Variants in RBBP8 observed in about 807,000 individuals in gnomAD.
RBBP8 encodes DNA endonuclease RBBP8.
A neutral mutation model predicts 108.3 loss-of-function variants in RBBP8; 88 were observed. The observed-to-expected ratio is 0.81, with a 90% CI of 0.68 to 0.97. The LOEUF (loss-of-function observed/expected upper bound fraction) is 0.97. Ranked by LOEUF, RBBP8 falls within the 50% of genes least tolerant of loss-of-function variation. The probability of loss-of-function intolerance (pLI) is 0.00; values close to 1 mark genes in which losing one functional copy is unlikely to be tolerated. For synonymous variants in RBBP8, 332 were observed against 348.2 expected, an observed-to-expected ratio of 0.95 and a Z score of 0.52; for missense variants, 1,023 against 1,049.0, an observed-to-expected ratio of 0.98 and a Z score of 0.34.
intron 15 of RBBP8, among the ~76,000 whole-genome samples, chr18:23,003,633 A>G (rs1044431451): frequency 9.8e-5 from 15 of 152,328 alleles, no homozygotes; most frequent in African/African-American, 3.6e-4. Context: ...TTAGGAGTCA[A>G]GTCCCAAGTT....
chr18:22,931,186 A>C (rs921415040), upstream of RBBP8, among the ~76,000 whole-genome samples: 3 of 152,218 alleles, frequency 2.0e-5, no homozygotes, highest in Non-Finnish European at 4.4e-5. Flanking sequence ...GACTATTGAA[A>C]TAAGATAAAA....
Position 22,968,907 on chromosome 18 carries a change from T to C in RBBP8, c.350T>C (p.Ile117Thr), listed in dbSNP as rs769924014. 4 of 1,607,334 alleles carry C rather than the reference T, an allele frequency of 2.5e-6. No individual in the cohort carries two copies. Among genetic ancestry groups the C allele is most frequent in the East Asian group, 2.2e-5 (1 of 44,698 alleles). The change falls in exon 5 of 19, where the codon ATT becomes ACT. Residue 117 changes from isoleucine (I) to threonine (T), a missense_variant. By Grantham distance (89) the Ile-to-Thr change is moderately conservative (BLOSUM62 -1). Coordinates refer to ENST00000327155, the MANE Select transcript of RBBP8 (RefSeq NM_002894.3). ...ENIRQQNLKL[I>T]TELMNERNTL... The stretch of plus-strand genomic sequence containing the variant: ...ATCCGGCAGCAGAATCTTAAACTTA[T>C]TACAGAACTTAGTGAGTTTCCTTTC...
chr18:22,979,373 A>T (rs1164076535), intron 6 of RBBP8, among the ~76,000 whole-genome samples: 1 of 152,094 alleles, frequency 6.6e-6, no homozygotes, highest in East Asian at 1.9e-4. Flanking sequence ...TTAGCTCTAA[A>T]GATTGTTCCT....
At chr18:23,025,726 A>G (rs1244924975) in intron 18 of RBBP8, among the ~76,000 whole-genome samples, 1 of 152,214 alleles carries the variant, frequency 6.6e-6, no homozygotes, top group Non-Finnish European at 1.5e-5. Flanking sequence ...CCCCTTTGCA[A>G]CTACCTATGG....
At chr18:22,983,559 T>C (rs1915098717) in intron 7 of RBBP8, among the ~76,000 whole-genome samples, 1 of 138,378 alleles carries the variant, frequency 7.2e-6, no homozygotes. Context: ...ATAATTTACA[T>C]CAGGTTTAAA....
At chr18:22,964,517 A>G (rs1156977173) in intron 4 of RBBP8, among the ~76,000 whole-genome samples, 1 of 151,384 alleles carries the variant, frequency 6.6e-6, no homozygotes, top group African/African-American at 2.4e-5. Context: ...TAGACCTTCT[A>G]GAATAATTGC....
intron 5 of RBBP8, among the ~76,000 whole-genome samples, chr18:22,969,451 T>C (rs1913901141): frequency 6.6e-6 from 1 of 152,166 alleles, no homozygotes; most frequent in Admixed American, 6.5e-5. Flanking sequence ...TATTTATTTC[T>C]TTTGGTGACC....
intron 2 of RBBP8, among the ~76,000 whole-genome samples, chr18:22,940,280 A>G (rs2144419613): frequency 6.6e-6 from 1 of 151,470 alleles, no homozygotes; most frequent in East Asian, 1.9e-4. Flanking sequence ...TTTGTAGTCC[A>G]TGAACACGGG....
intron 5 of RBBP8, among the ~76,000 whole-genome samples, chr18:22,971,963 AACAG>A (rs1451664177): frequency 1.2e-4 from 18 of 151,832 alleles, no homozygotes; most frequent in Middle Eastern, 3.4e-3. Flanking sequence ...TAATTTCTAA[AACAG>A]ACAGGCTTGA....
intron 14 of RBBP8, among the ~76,000 whole-genome samples, chr18:22,999,621 A>T (rs924999138): frequency 1.3e-5 from 2 of 152,136 alleles, no homozygotes; most frequent in Non-Finnish European, 2.9e-5. Context: ...CGCACATGGA[A>T]TAGGAGACAT....
chr18:22,976,527 T>C (rs1914509129), intron 6 of RBBP8, among the ~76,000 whole-genome samples: 1 of 152,132 alleles, frequency 6.6e-6, no homozygotes, highest in African/African-American at 2.4e-5. Flanking sequence ...TTCATATGTT[T>C]TGCTGTGAAA....
chr18:23,010,860 T>C (rs2046146171), intron 16 of RBBP8, among the ~76,000 whole-genome samples: 1 of 152,190 alleles, frequency 6.6e-6, no homozygotes, highest in African/African-American at 2.4e-5. Flanking sequence ...GTTTAAGTGA[T>C]GCTTTGAGGT....
intron 3 of RBBP8, among the ~76,000 whole-genome samples, chr18:22,927,255 T>C (rs910557528): frequency 6.6e-6 from 1 of 152,224 alleles, no homozygotes; most frequent in Non-Finnish European, 1.5e-5. Flanking sequence ...TTTAGATAAA[T>C]AATCATAAAG....
intron 16 of RBBP8, among the ~76,000 whole-genome samples, chr18:23,007,693 G>A (rs1194742477): frequency 8.0e-5 from 8 of 100,270 alleles, no homozygotes; most frequent in Middle Eastern, 8.9e-3. Flanking sequence ...GCGAGACTCC[G>A]TCTCAGAAAA....
intron 3 of RBBP8, among the ~76,000 whole-genome samples, chr18:22,918,598 C>T (rs919939431): frequency 6.6e-6 from 1 of 152,174 alleles, no homozygotes; most frequent in Non-Finnish European, 1.5e-5. Context: ...CTGTACCTTA[C>T]TTGTGCCTTC....
intron 4 of RBBP8, among the ~76,000 whole-genome samples, chr18:22,954,458 A>G (rs1259128078): frequency 6.6e-6 from 1 of 152,236 alleles, no homozygotes; most frequent in East Asian, 1.9e-4. Flanking sequence ...CTTTGACTCC[A>G]TGTCTCACAT....
intron 4 of RBBP8, among the ~76,000 whole-genome samples, chr18:22,963,655 C>T (rs1032277037): frequency 2.6e-5 from 4 of 152,130 alleles, no homozygotes; most frequent in African/African-American, 7.2e-5. Context: ...TTTCATATAT[C>T]TAGGACTTCT....
intron 16 of RBBP8, among the ~76,000 whole-genome samples, chr18:23,014,451 T>C (rs544400828): frequency 7.2e-5 from 11 of 152,192 alleles, no homozygotes; most frequent in Admixed American, 5.9e-4. Context: ...CTGGGCAACA[T>C]AGTAAGACCT....
At chr18:23,000,981 A>G (rs922976588) in intron 14 of RBBP8, among the ~76,000 whole-genome samples, 19 of 152,200 alleles carry the variant, frequency 1.2e-4, no homozygotes, top group Admixed American at 1.1e-3. Context: ...GCTTGCAACT[A>G]ATATTCTTAG....
Sources: gnomAD v4.1 joint callset for allele counts (sites outside exome capture counted in the v4.1 genomes callset) on GRCh38, gnomAD v4.1.1 for gene constraint, MANE v1.5 for transcripts, NCBI Gene and HGNC (gene_info 2026-07-23, HGNC 2026-07-21) for gene names.